Variants in LOC122513141 observed in about 807,000 individuals in gnomAD.
chr9:137,217,995 C>T, the LOC122513141 span: 35,192 of 399,012 alleles, frequency 0.088, 1,927 homozygotes, highest in Non-Finnish European at 0.12. Context: ...GGGGCCAAAG[C>T]CATGGAGGGT....
chr9:137,218,297 C>T, the LOC122513141 span: 18 of 398,298 alleles, frequency 4.5e-5, no homozygotes, highest in South Asian at 2.5e-4. Context: ...CGGGCCCTCA[C>T]GCCAGCCCCG....
the LOC122513141 span, chr9:137,217,725 C>G: frequency 2.7e-6 from 1 of 364,330 alleles, no homozygotes; most frequent in Non-Finnish European, 4.9e-6. Flanking sequence ...CAGACCCTGC[C>G]TTCCCTGAGG....
At chr9:137,218,099 G>A in the LOC122513141 span, 8 of 398,742 alleles carry the variant, frequency 2.0e-5, no homozygotes, top group Non-Finnish European at 3.5e-5. Flanking sequence ...AGAGCCCTAC[G>A]GGCCCAGAGA....
the LOC122513141 span, chr9:137,218,299 C>A: frequency 2.5e-6 from 1 of 398,324 alleles, no homozygotes. Flanking sequence ...GGCCCTCACG[C>A]CAGCCCCGCC....
the LOC122513141 span, chr9:137,218,764 A>G: frequency 2.5e-6 from 1 of 397,094 alleles, no homozygotes; most frequent in Non-Finnish European, 4.4e-6. Context: ...TGAACCCACA[A>G]CCAGGGCTAC....
the LOC122513141 span, chr9:137,218,746 C>T: frequency 2.5e-6 from 1 of 397,190 alleles, no homozygotes; most frequent in African/African-American, 2.1e-5. Flanking sequence ...ATCAAGACCT[C>T]CCATTGCTGA....
At chr9:137,217,821 C>T in the LOC122513141 span, 1 of 397,626 alleles carries the variant, frequency 2.5e-6, no homozygotes, top group Non-Finnish European at 4.4e-6. Flanking sequence ...TGCCCTGGGG[C>T]CCCCACCCTC....
the LOC122513141 span, chr9:137,218,749 A>G: frequency 1.0e-5 from 4 of 397,080 alleles, no homozygotes; most frequent in Admixed American, 4.4e-5. Context: ...AAGACCTCCC[A>G]TTGCTGAACC....
chr9:137,218,045 C>T, the LOC122513141 span: 2 of 399,458 alleles, frequency 5.0e-6, no homozygotes, highest in Non-Finnish European at 8.8e-6. Flanking sequence ...GGGGAGAGAG[C>T]AGGCAGCAGG....
the LOC122513141 span, chr9:137,217,575 C>T: frequency 1.2e-5 from 2 of 169,162 alleles, no homozygotes; most frequent in African/African-American, 4.7e-5. Flanking sequence ...AGGCTGGGCT[C>T]CAGCCAGATC....
chr9:137,218,305 C>G, the LOC122513141 span: 52,327 of 398,218 alleles, frequency 0.13, 3,669 homozygotes, highest in Middle Eastern at 0.21. Context: ...CACGCCAGCC[C>G]CGCCGAGAGG....
chr9:137,218,609 C>T, the LOC122513141 span: 1 of 398,616 alleles, frequency 2.5e-6, no homozygotes. Flanking sequence ...CTGAGCAGAG[C>T]CCAGGACAGC....
At chr9:137,218,437 C>G in the LOC122513141 span, 1 of 398,346 alleles carries the variant, frequency 2.5e-6, no homozygotes. Context: ...CCTGTCCACC[C>G]TGCCTGGGTG....
the LOC122513141 span, chr9:137,218,266 G>A: frequency 7.5e-6 from 3 of 398,230 alleles, no homozygotes; most frequent in Non-Finnish European, 1.3e-5. Flanking sequence ...GCCGGCTACA[G>A]GAGGAGCTGC....
At chr9:137,217,753 C>G in the LOC122513141 span, 3 of 387,954 alleles carry the variant, frequency 7.7e-6, no homozygotes, top group Non-Finnish European at 1.4e-5. Flanking sequence ...CTGTCGCCGC[C>G]CTGGGGTCCC....
At chr9:137,218,334 G>A in the LOC122513141 span, 63 of 397,962 alleles carry the variant, frequency 1.6e-4, no homozygotes, top group African/African-American at 9.7e-4. Context: ...TCCTATCACC[G>A]CAACCCTGGG....
At chr9:137,218,623 G>A in the LOC122513141 span, 21 of 398,424 alleles carry the variant, frequency 5.3e-5, no homozygotes, top group African/African-American at 1.4e-4. Context: ...GGACAGCCCC[G>A]CCGCCAACAG....
At chr9:137,218,179 G>A in the LOC122513141 span, 7,070 of 398,388 alleles carry the variant, frequency 0.018, 83 homozygotes, top group Middle Eastern at 0.048. Flanking sequence ...TGCTGGGCTC[G>A]GCCTCCAGTG....
At chr9:137,217,961 A>T in the LOC122513141 span, 1 of 398,546 alleles carries the variant, frequency 2.5e-6, no homozygotes, top group Non-Finnish European at 4.4e-6. Flanking sequence ...AGGTGCTGAG[A>T]CTACAGCCAG....
Sources: gnomAD v4.1 joint callset for allele counts on GRCh38, gnomAD v4.1.1 for gene constraint, MANE v1.5 for transcripts.